RBFOX1: variants seen among roughly 807,000 people sequenced by gnomAD.
The protein encoded by RBFOX1 is RNA binding protein fox-1 homolog 1.
Under a neutral mutation model 57.7 loss-of-function variants are expected in RBFOX1, and 8 were observed. The ratio of observed to expected loss-of-function variants is 0.14; its 90% CI spans 0.08 to 0.25. RBFOX1 has a LOEUF of 0.25. Ranked by LOEUF, RBFOX1 falls within the 10% of genes least tolerant of loss-of-function variation. The probability of loss-of-function intolerance (pLI) is 1.00; values close to 1 mark genes in which losing one functional copy is unlikely to be tolerated. For synonymous variants in RBFOX1, 326 were observed against 222.4 expected, an observed-to-expected ratio of 1.47 and a Z score of -4.15; for missense variants, 611 against 548.5, an observed-to-expected ratio of 1.11 and a Z score of -1.14.
intron 1 of RBFOX1, among the ~76,000 whole-genome samples, chr16:5,457,805 C>T (rs903039428): frequency 6.6e-6 from 1 of 152,204 alleles, no homozygotes; most frequent in African/African-American, 2.4e-5. Context: ...TTTTGTCTTT[C>T]TTTCCACTGA....
intron 3 of RBFOX1, among the ~76,000 whole-genome samples, chr16:6,982,992 CT>C (rs1399801047): frequency 8.5e-5 from 2 of 23,604 alleles, no homozygotes; most frequent in Non-Finnish European, 1.8e-4. Flanking sequence ...GAGACTCTGT[CT>C]AAAAAAAAAA....
intron 2 of RBFOX1, among the ~76,000 whole-genome samples, chr16:6,559,776 A>G (rs371989143): frequency 1.3e-3 from 201 of 152,184 alleles, no homozygotes; most frequent in East Asian, 8.7e-3. Context: ...ACTATGTGCC[A>G]GGCGCTCTTC....
chr16:5,877,191 A>C (rs1008502472), intron 4 of RBFOX1, among the ~76,000 whole-genome samples: 15 of 152,248 alleles, frequency 9.9e-5, no homozygotes, highest in Admixed American at 2.6e-4. Flanking sequence ...GAATGAAGCA[A>C]ACTACATACT....
chr16:6,385,225 G>C (rs1022820252), intron 2 of RBFOX1, among the ~76,000 whole-genome samples: 1 of 152,182 alleles, frequency 6.6e-6, no homozygotes, highest in African/African-American at 2.4e-5. Flanking sequence ...TTTAAATAAT[G>C]GAAACAGGAA....
chr16:6,271,987 C>T lies in RBFOX1; in HGVS notation c.-126-45008C>T, dbSNP rs575276657. On this transcript the variant is annotated intron_variant, in intron 1 of 15. Transcript: ENST00000550418. ...ACCCTGACAGTGAAACAGGACAAAG[C>T]CAGGAGAAAAAAGAAAAGAAAACTG... 7.5e-4 allele frequency among the ~76,000 whole-genome samples: 114 copies of T among 151,936 alleles called. 1 individual carries two copies. The highest frequency in any genetic ancestry group is 3.4e-3 in the Middle Eastern group (1 of 294).
chr16:6,316,166 G>A (rs117267681), intron 1 of RBFOX1, among the ~76,000 whole-genome samples: 2,532 of 151,940 alleles, frequency 0.017, 32 homozygotes, highest in South Asian at 0.046. Flanking sequence ...GAGGAAACAA[G>A]TCAGTATCCC....
chr16:6,720,816 T>C (rs2065844214), intron 3 of RBFOX1, among the ~76,000 whole-genome samples: 1 of 152,196 alleles, frequency 6.6e-6, no homozygotes, highest in Non-Finnish European at 1.5e-5. Flanking sequence ...GGATTAAGGA[T>C]GTTGCTGAAG....
intron 3 of RBFOX1, among the ~76,000 whole-genome samples, chr16:7,030,417 G>C (rs2042489690): frequency 6.6e-6 from 1 of 152,186 alleles, no homozygotes; most frequent in African/African-American, 2.4e-5. Context: ...GAGGCCACAA[G>C]TCTGAAATCA....
chr16:5,257,699 A>C (rs1353692685), intron 1 of RBFOX1, among the ~76,000 whole-genome samples: 3 of 152,154 alleles, frequency 2.0e-5, no homozygotes, highest in Admixed American at 1.3e-4. Flanking sequence ...AGCAAGGCGC[A>C]TGGGTCGACT....
intron 4 of RBFOX1, among the ~76,000 whole-genome samples, chr16:7,384,404 A>T (rs966264768): frequency 6.6e-6 from 1 of 152,168 alleles, no homozygotes; most frequent in African/African-American, 2.4e-5. Context: ...TTACAAAAAC[A>T]TGGCTCTCCT....
intron 4 of RBFOX1, among the ~76,000 whole-genome samples, chr16:7,222,797 C>A (rs2092825826): frequency 6.6e-6 from 1 of 152,206 alleles, no homozygotes; most frequent in Admixed American, 6.5e-5. Context: ...TCACAACTAT[C>A]AGGTACTCTT....
chr16:6,044,489 A>T (rs1485554015), intron 1 of RBFOX1, among the ~76,000 whole-genome samples: 1 of 39,198 alleles, frequency 2.6e-5, no homozygotes, highest in South Asian at 6.6e-4. Context: ...GTTTTAGGTT[A>T]AAAAAAAAAA....
chr16:5,944,538 C>T lies in RBFOX1; in HGVS notation c.351+77203C>T, dbSNP rs139213552. 1.8e-3 allele frequency among the ~76,000 whole-genome samples: 280 copies of T among 151,968 alleles called. 2 individuals carry two copies. Among genetic ancestry groups the T allele is most frequent in the Admixed American group, 6.5e-3 (99 of 15,264 alleles). On this transcript the variant is annotated intron_variant, in intron 4 of 19. Coordinates refer to the RBFOX1 transcript ENST00000641259. ...TTAAGCTACATCTGGCTGCAAATCC[C>T]GAGTTGGTCCCTTCGGAGCTGTGTG...
intron 2 of RBFOX1, among the ~76,000 whole-genome samples, chr16:6,490,732 C>G (rs12932983): frequency 1.3e-5 from 2 of 152,152 alleles, no homozygotes; most frequent in East Asian, 3.9e-4. Context: ...GTTGAGCTAC[C>G]TCCTCCCAGC....
chr16:7,626,114 T>G (rs1276817456), intron 10 of RBFOX1, among the ~76,000 whole-genome samples: 2 of 152,222 alleles, frequency 1.3e-5, no homozygotes, highest in African/African-American at 4.8e-5. Flanking sequence ...GGAAAAGATT[T>G]CCTGGAAAAA....
chr16:5,724,021 C>CG (rs1000397276), intron 3 of RBFOX1, among the ~76,000 whole-genome samples: 1 of 114,716 alleles, frequency 8.7e-6, no homozygotes, highest in African/African-American at 5.4e-5. Context: ...CCTATGTTAG[C>CG]AAACCATTTG....
chr16:7,057,049 G>A (rs76551378), intron 4 of RBFOX1, among the ~76,000 whole-genome samples: 2,655 of 150,070 alleles, frequency 0.018, 83 homozygotes, highest in African/African-American at 0.061. Flanking sequence ...AAAAATGCAG[G>A]CCTGATACTC....
intron 4 of RBFOX1, among the ~76,000 whole-genome samples, chr16:7,158,800 G>C (rs45630530): frequency 0.14 from 21,087 of 152,022 alleles, 1,759 homozygotes; most frequent in East Asian, 0.32. Context: ...ATATGCGTTT[G>C]TGTGGTGTTT....
chr16:7,625,406 A>G lies in RBFOX1; in HGVS notation c.677-5197A>G, dbSNP rs965489563. ...AGGAAAATTTCCACCTAGAACCTTT[A>G]CCCTTACTATCTGCCTAAAATAATT... On this transcript the variant is annotated intron_variant, in intron 10 of 15. Transcript: ENST00000550418. 3.9e-5 allele frequency among the ~76,000 whole-genome samples: 6 copies of G among 152,124 alleles called. No homozygotes were observed. In the East Asian group the frequency reaches 9.6e-4, roughly 24 times the overall value.
Sources: gnomAD v4.1 joint callset for allele counts (sites outside exome capture counted in the v4.1 genomes callset) on GRCh38, gnomAD v4.1.1 for gene constraint, MANE v1.5 for transcripts, NCBI Gene and HGNC (gene_info 2026-07-23, HGNC 2026-07-21) for gene names.